The following TNFRSF10A variants were observed in gnomAD, a reference collection of about 807,000 sequenced individuals.
The protein encoded by TNFRSF10A is tumor necrosis factor receptor superfamily member 10A.
TNFRSF10A carries 44 observed loss-of-function variants against 42.8 expected under a neutral mutation model. That is an observed-to-expected ratio of 1.03 (90% CI 0.81 to 1.32). The LOEUF is 1.32. TNFRSF10A is among the 40% of genes most tolerant of loss of function. The pLI is 0.00. For synonymous variants in TNFRSF10A, 259 were observed against 234.2 expected (o/e 1.11, Z -0.97); for missense variants, 680 against 602.0 (o/e 1.13, Z -1.36).
At chr8:23,199,161 C>A (rs1323518759) in intron 8 of TNFRSF10A, 105 bp downstream of exon 8, 8 of 1,397,704 alleles carry the variant, frequency 5.7e-6, no homozygotes, top group Non-Finnish European at 7.8e-6. Flanking sequence ...CCGTCCCCTG[C>A]AGTCCCATCT....
rs552884835 is a variant in TNFRSF10A, at chr8:23,195,334, A to C, written c.1087+1798T>G. On this transcript the variant is annotated intron_variant, in intron 9 of 9. Coordinates refer to ENST00000221132, the MANE Select transcript of TNFRSF10A (RefSeq NM_003844.4). ...CTTTTGGTTTTGTTTTCCAGTCTGG[A>C]GAACTTTTTTCTTCTTTGCTATTTA... 7.6e-4 allele frequency among the ~76,000 whole-genome samples: 115 copies of C among 152,252 alleles called. 1 individual carries two copies. The highest frequency in any genetic ancestry group is 2.6e-3 in the African/African-American group (110 of 41,540).
At chr8:23,205,447 A>T (rs1167953058) in intron 2 of TNFRSF10A, among the ~76,000 whole-genome samples, 2 of 152,188 alleles carry the variant, frequency 1.3e-5, no homozygotes, top group Non-Finnish European at 1.5e-5. Context: ...AATGATAATA[A>T]ATGACTTACT....
intron 1 of TNFRSF10A, among the ~76,000 whole-genome samples, chr8:23,223,709 C>T (rs1399245849): frequency 6.6e-6 from 1 of 152,162 alleles, no homozygotes; most frequent in Non-Finnish European, 1.5e-5. Flanking sequence ...TTTTGTTTTT[C>T]CTTAACATAG....
chr8:23,199,748 C>G, intron 7 of TNFRSF10A, 138 bp downstream of exon 7: 4 of 1,207,812 alleles, frequency 3.3e-6, no homozygotes, highest in Non-Finnish European at 3.6e-6. Flanking sequence ...CCCCCATAGT[C>G]AATGCACAGC....
chr8:23,222,334 G>T (rs576905328), intron 1 of TNFRSF10A, among the ~76,000 whole-genome samples: 1 of 152,232 alleles, frequency 6.6e-6, no homozygotes, highest in South Asian at 2.1e-4. Flanking sequence ...ATTGACATAT[G>T]GACATATGAC....
chr8:23,192,449 G>A (rs1800769680), intron 9 of TNFRSF10A, among the ~76,000 whole-genome samples: 1 of 152,188 alleles, frequency 6.6e-6, no homozygotes, highest in South Asian at 2.1e-4. Flanking sequence ...AGGGTCTGGG[G>A]CAGGGGACCT....
At position 23,201,803 on chromosome 8, in the gene TNFRSF10A, C is replaced by T. The variant is rs1452643560; in HGVS notation, c.629+5G>A. ...CTGCTGGGAGCCCCTTGGCTGTTGT[C>T]TCACCCTCTGCTGCACTTCCGGCAC... On this transcript the variant is annotated splice_donor_5th_base_variant and intron_variant, in intron 4 of 9. Coordinates refer to ENST00000221132, the MANE Select transcript of TNFRSF10A (RefSeq NM_003844.4). 1.5e-5 allele frequency: 25 copies of T among 1,613,852 alleles called. No individual in the cohort carries two copies. The highest frequency in any genetic ancestry group is 1.6e-4 in the Middle Eastern group (1 of 6,062).
chr8:23,193,428 T>C (rs1800781540), intron 9 of TNFRSF10A, among the ~76,000 whole-genome samples: 1 of 152,236 alleles, frequency 6.6e-6, no homozygotes, highest in Admixed American at 6.5e-5. Flanking sequence ...GTGATTGTCC[T>C]TTGTGGGCCC....
At chr8:23,200,832 A>G in intron 4 of TNFRSF10A, 72 bp from the exon 5 acceptor site, 1 of 1,381,604 alleles carries the variant, frequency 7.2e-7, no homozygotes. Flanking sequence ...AAGAGGAGCC[A>G]CTCTCCCTGC....
At chr8:23,199,581 C>T (rs1800877801) in intron 7 of TNFRSF10A, 133 bp from the exon 8 acceptor site, 4 of 1,144,408 alleles carry the variant, frequency 3.5e-6, no homozygotes, top group Non-Finnish European at 4.9e-6. Flanking sequence ...TCAGCACATC[C>T]AGGACCTGCT....
intron 2 of TNFRSF10A, among the ~76,000 whole-genome samples, chr8:23,210,898 T>A (rs1801084026): frequency 6.6e-6 from 1 of 152,038 alleles, no homozygotes; most frequent in South Asian, 2.1e-4. Context: ...CACAAAATAA[T>A]CTAGGAATAA....
At chr8:23,195,113 T>G (rs113467419) in intron 9 of TNFRSF10A, among the ~76,000 whole-genome samples, 15,143 of 152,172 alleles carry the variant, frequency 0.1, 970 homozygotes, top group Middle Eastern at 0.17. Context: ...GAGATGAGAT[T>G]GCACCACTGC....
In TNFRSF10A at chr8:23,224,888, G is replaced by T; in HGVS notation, c.174C>A (p.Ser58=). ...GGGCACTGGGTCCGTGCTGTCCCATGGAGGTAGGGAGCGCTCCTCGGCCCC... is the reference window on the plus strand; with the variant it reads ...GGGCACTGGGTCCGTGCTGTCCCATTGAGGTAGGGAGCGCTCCTCGGCCCC... ...RGGGRGALPT[S]MGQHGPSARA... is the part of the protein sequence containing the mutation. The change falls in exon 1 of 10, where the codon TCC becomes TCA. Residue 58 remains serine, a synonymous_variant. Coordinates refer to ENST00000221132, the MANE Select transcript of TNFRSF10A (RefSeq NM_003844.4). 6.3e-7 allele frequency: 1 copy of T among 1,589,280 alleles called. No individual in the cohort carries two copies. The highest frequency in any genetic ancestry group is 8.6e-7 in the Non-Finnish European group (1 of 1,168,078).
At chr8:23,201,738 G>A in intron 4 of TNFRSF10A, 70 bp downstream of exon 4, 2 of 1,365,142 alleles carry the variant, frequency 1.5e-6, no homozygotes, top group East Asian at 5.2e-5. Flanking sequence ...AGGAGACTCG[G>A]GTCTTTTTAG....
At chr8:23,221,061 A>AC (rs779582830) in intron 1 of TNFRSF10A, among the ~76,000 whole-genome samples, 4 of 152,052 alleles carry the variant, frequency 2.6e-5, no homozygotes, top group Non-Finnish European at 5.9e-5. Flanking sequence ...ATGGCGCTCC[A>AC]CCCCATTCCT....
intron 9 of TNFRSF10A, among the ~76,000 whole-genome samples, chr8:23,193,590 G>A (rs1800783279): frequency 6.6e-6 from 1 of 152,092 alleles, no homozygotes; most frequent in South Asian, 2.1e-4. Flanking sequence ...TGTTGTTTCA[G>A]GGCAAGTGAG....
chr8:23,191,568 G>A lies in TNFRSF10A; in HGVS notation c.*126C>T, dbSNP rs1046909728. ...ACCCGCCTCAGCCTCCCAAAGTGCT[G>A]GGATTACAGGCATGAGCCACTACAC... On this transcript the variant is annotated 3_prime_UTR_variant, in exon 10 of 10. Coordinates refer to ENST00000221132, the MANE Select transcript of TNFRSF10A (RefSeq NM_003844.4). The A allele has an allele frequency of 1.0e-5, 14 of 1,365,388 alleles. No individual in the cohort carries two copies. In the African/African-American group the frequency reaches 1.9e-4, roughly 19 times the overall value. The allele number at this position is 1,365,388 out of a possible 1,614,324, so 84.6% of individuals were successfully genotyped here. A position where few individuals can be genotyped will look rare whatever the true frequency, so the allele number is the denominator to read the frequency against.
At chr8:23,200,045 T>C (rs1800885024) in intron 6 of TNFRSF10A, 128 bp from the exon 7 acceptor site, 16 of 1,140,002 alleles carry the variant, frequency 1.4e-5, no homozygotes, top group East Asian at 2.4e-5. Flanking sequence ...GGCCTGGGGA[T>C]CCACATGAGG....
intron 1 of TNFRSF10A, among the ~76,000 whole-genome samples, chr8:23,219,555 A>G (rs144562258): frequency 1.5e-3 from 229 of 152,360 alleles, no homozygotes; most frequent in African/African-American, 5.2e-3. Flanking sequence ...TATTTTTGCC[A>G]CCATCGAAGT....
Sources: allele counts gnomAD v4.1 joint callset (sites outside exome capture counted in the v4.1 genomes callset), GRCh38; gene constraint gnomAD v4.1.1; transcripts MANE v1.5; gene names NCBI Gene and HGNC (gene_info 2026-07-23, HGNC 2026-07-21).